Variants in NFIA observed in about 807,000 individuals in gnomAD.
The protein encoded by NFIA is nuclear factor 1 A-type.
Under a neutral mutation model 62.8 loss-of-function variants are expected in NFIA, and 8 were observed. That is an observed-to-expected ratio of 0.13 (90% CI 0.07 to 0.23). The LOEUF (loss-of-function observed/expected upper bound fraction) is 0.23, where lower values mean the gene tolerates loss of function less well. Ranked by LOEUF, NFIA falls within the 10% of genes least tolerant of loss-of-function variation. NFIA has a pLI of 1.00. For synonymous variants in NFIA, 235 were observed against 238.1 expected (o/e 0.99, Z 0.12); for missense variants, 410 against 642.1 (o/e 0.64, Z 3.91).
intron 10 of NFIA, among the ~76,000 whole-genome samples, chr1:61,427,884 C>T (rs116834235): frequency 0.015 from 2,243 of 152,316 alleles, 35 homozygotes; most frequent in Middle Eastern, 0.048. Context: ...TGCTTATTCT[C>T]CCATACCTTC....
At chr1:61,316,589 C>T (rs1355933588) in intron 3 of NFIA, among the ~76,000 whole-genome samples, 3 of 152,120 alleles carry the variant, frequency 2.0e-5, no homozygotes, top group Non-Finnish European at 2.9e-5. Context: ...TGATTCCCCT[C>T]CGAATGCTGA....
intron 2 of NFIA, among the ~76,000 whole-genome samples, chr1:61,108,234 C>CT (rs1342397613): frequency 1.3e-5 from 2 of 151,650 alleles, no homozygotes; most frequent in South Asian, 4.1e-4. Context: ...AAATTGACAT[C>CT]TTTTTTTAAC....
In NFIA at chr1:61,082,587, G is replaced by T; in HGVS notation, c.-205G>T. On this transcript the variant is annotated 5_prime_UTR_variant, in exon 1 of 11. Transcript: ENST00000403491. ...GGGTTAAAGTTCAGCTCATGGAGCG[G>T]CAATAGCGCTGGCTGGCTGGCTGCA... 15 of 1,482,938 alleles carry T rather than the reference G, an allele frequency of 1.0e-5. No homozygotes were observed. The highest frequency in any genetic ancestry group is 1.3e-5 in the Non-Finnish European group (15 of 1,112,578). 91.9% of individuals were successfully genotyped at this position (1,482,938 alleles called of 1,614,324 possible).
intron 2 of NFIA, among the ~76,000 whole-genome samples, chr1:61,274,272 T>C (rs1477030275): frequency 6.6e-6 from 1 of 152,166 alleles, no homozygotes; most frequent in Non-Finnish European, 1.5e-5. Context: ...TAGGTTTAAA[T>C]TTCTGCTCAT....
intron 2 of NFIA, among the ~76,000 whole-genome samples, chr1:61,121,396 A>T (rs6670604): frequency 1.3e-5 from 2 of 151,988 alleles, no homozygotes; most frequent in Admixed American, 6.6e-5. Flanking sequence ...CCTCCTCCCC[A>T]AGAATTCTAG....
chr1:61,421,765 T>C (rs761765788), intron 9 of NFIA, among the ~76,000 whole-genome samples: 25 of 152,314 alleles, frequency 1.6e-4, no homozygotes, highest in Non-Finnish European at 2.5e-4. Context: ...CAGCTCCCCT[T>C]TCAGGTTTAC....
At chr1:61,241,118 C>T (rs554666723) in intron 2 of NFIA, among the ~76,000 whole-genome samples, 21 of 152,042 alleles carry the variant, frequency 1.4e-4, no homozygotes, top group African/African-American at 5.1e-4. Flanking sequence ...ATATTGTGAT[C>T]GTTTTCTAGA....
chr1:61,348,873 C>T (rs1455976021), intron 4 of NFIA, among the ~76,000 whole-genome samples: 1 of 152,092 alleles, frequency 6.6e-6, no homozygotes, highest in Non-Finnish European at 1.5e-5. Context: ...GCTTCTCCAC[C>T]CAGTTGAGAC....
chr1:61,219,604 T>C lies in NFIA; in HGVS notation c.560-57916T>C, dbSNP rs552551012. On this transcript the variant is annotated intron_variant, in intron 2 of 10. Coordinates refer to ENST00000403491, the MANE Select transcript of NFIA (RefSeq NM_001134673.4). ...TGGCGGGCGCCTGTAATCTCAGCTA[T>C]TTGGGAGGCTGAGGCAGGAGAATGG... Among the ~76,000 whole-genome samples the C allele has an allele frequency of 5.6e-3, 847 of 150,874 alleles. 5 individuals carry two copies. Among genetic ancestry groups the C allele is most frequent in the African/African-American group, 0.019 (790 of 41,038 alleles).
At chr1:61,100,489 A>G (rs1029460103) in intron 2 of NFIA, among the ~76,000 whole-genome samples, 2 of 152,206 alleles carry the variant, frequency 1.3e-5, no homozygotes, top group Non-Finnish European at 2.9e-5. Flanking sequence ...TCTCAGATAT[A>G]ATTTCCTCAG....
chr1:61,441,293 GT>G (rs1300655908), intron 10 of NFIA, among the ~76,000 whole-genome samples: 9 of 18,892 alleles, frequency 4.8e-4, no homozygotes, highest in East Asian at 6.0e-3. Context: ...CCGTGCAGGG[GT>G]GTGTGTGTGT....
intron 2 of NFIA, among the ~76,000 whole-genome samples, chr1:61,135,305 AG>A (rs2100496126): frequency 6.6e-6 from 1 of 152,364 alleles, no homozygotes; most frequent in East Asian, 1.9e-4. Flanking sequence ...ATCTTTTGCA[AG>A]GTCGTGCTAC....
At chr1:61,441,892 CCT>C (rs1050998553) in intron 10 of NFIA, among the ~76,000 whole-genome samples, 22 of 151,992 alleles carry the variant, frequency 1.4e-4, no homozygotes, top group African/African-American at 4.6e-4. Flanking sequence ...ACACCACCCC[CCT>C]GTTAACGTCA....
At chr1:61,135,242 C>G (rs1268728944) in intron 2 of NFIA, among the ~76,000 whole-genome samples, 1 of 152,186 alleles carries the variant, frequency 6.6e-6, no homozygotes, top group Non-Finnish European at 1.5e-5. Flanking sequence ...TTTAATACAG[C>G]TACTTTGATT....
In NFIA at chr1:61,451,154, C is replaced by T. The variant is rs146648058; in HGVS notation, c.1513-4149C>T. 3.7e-3 allele frequency among the ~76,000 whole-genome samples: 570 copies of T among 152,132 alleles called. 5 individuals carry two copies. The highest frequency in any genetic ancestry group is 0.013 in the African/African-American group (549 of 41,482). ...TCAGGCTTCCTGTTTAGGATGCAGT[C>T]GGATAGATATTGTTTATGGTTCATA... On this transcript the variant is annotated intron_variant, in intron 10 of 10. Transcript: ENST00000403491.
At chr1:61,391,527 G>A (rs982113608) in intron 7 of NFIA, among the ~76,000 whole-genome samples, 4 of 151,440 alleles carry the variant, frequency 2.6e-5, no homozygotes, top group African/African-American at 4.9e-5. Context: ...TCTGGCAGGC[G>A]TGTGCCACCA....
intron 2 of NFIA, among the ~76,000 whole-genome samples, chr1:61,212,283 A>G (rs1205316109): frequency 6.6e-6 from 1 of 152,188 alleles, no homozygotes; most frequent in African/African-American, 2.4e-5. Context: ...TTTGAGACAC[A>G]CTAAAGCTTA....
chr1:61,129,160 G>T (rs1215039467), intron 2 of NFIA, among the ~76,000 whole-genome samples: 1 of 151,818 alleles, frequency 6.6e-6, no homozygotes, highest in Non-Finnish European at 1.5e-5. Flanking sequence ...CTGACCTCGT[G>T]ATCCGTTCGC....
chr1:61,413,360 T>C (rs373235924), intron 9 of NFIA, among the ~76,000 whole-genome samples: 6 of 152,270 alleles, frequency 3.9e-5, no homozygotes, highest in Middle Eastern at 3.4e-3. Flanking sequence ...TCTTTTTACA[T>C]ATGTATTATC....
Sources: gnomAD v4.1 joint callset for allele counts (sites outside exome capture counted in the v4.1 genomes callset) on GRCh38, gnomAD v4.1.1 for gene constraint, MANE v1.5 for transcripts, NCBI Gene and HGNC (gene_info 2026-07-23, HGNC 2026-07-21) for gene names.